ABCA13: variants seen among roughly 807,000 people sequenced by gnomAD.
The protein encoded by ABCA13 is ATP binding cassette subfamily A member 13.
Under a neutral mutation model 478.7 loss-of-function variants are expected in ABCA13, and 476 were observed. That is an observed-to-expected ratio of 0.99 (90% CI 0.92 to 1.07). The LOEUF is 1.07. Among genes scored for constraint, ABCA13 ranks in the 50% least tolerant of loss-of-function variants. The pLI, the probability that ABCA13 is intolerant of heterozygous loss-of-function variation, is 0.00. For synonymous variants in ABCA13, 2,252 were observed against 2,158.9 expected (o/e 1.04, Z -1.20); for missense variants, 6,060 against 5,910.6 (o/e 1.03, Z -0.83).
At chr7:48,312,841 C>G (rs1801970903) in intron 24 of ABCA13, among the ~76,000 whole-genome samples, 1 of 152,200 alleles carries the variant, frequency 6.6e-6, no homozygotes, top group Non-Finnish European at 1.5e-5. Context: ...ACATTTGTTT[C>G]TGGTTTACAT....
chr7:48,266,172 T>G (rs1400030503), intron 15 of ABCA13, among the ~76,000 whole-genome samples: 1 of 151,816 alleles, frequency 6.6e-6, no homozygotes, highest in African/African-American at 2.4e-5. Context: ...GGATTTAATT[T>G]GTTAAAATTT....
rs759031377 is a variant in ABCA13, at chr7:48,520,261, T to A, written c.14018T>A (p.Val4673Asp). 1 of 1,613,304 alleles carries A rather than the reference T, an allele frequency of 6.2e-7. No individual in the cohort carries two copies. Among genetic ancestry groups the A allele is most frequent in the Non-Finnish European group, 8.5e-7 (1 of 1,179,630 alleles). Residue 4673 changes from valine to aspartate, a missense_variant, in exon 53 of 62, where the codon GTT becomes GAT. This residue lies in a region of ABCA13 where 1,627 missense variants were observed against 1,571.0 expected (regional missense o/e 1.04). Coordinates refer to ENST00000435803, the MANE Select transcript of ABCA13 (RefSeq NM_152701.5). The stretch of plus-strand genomic sequence containing the variant: ...GGCACAGTACTTCTCCTCTTGAGGG[T>A]TCTGCTACACTGGGACCTTCTGCGA... ...SQGTVLLLLR[V>D]LLHWDLLRWP...
At chr7:48,319,818 A>G (rs1221787242) in intron 27 of ABCA13, among the ~76,000 whole-genome samples, 1 of 152,072 alleles carries the variant, frequency 6.6e-6, no homozygotes. Flanking sequence ...CTTCTCCTCT[A>G]TCTGTGAAAT....
chr7:48,244,147 C>A (rs1387399188), intron 10 of ABCA13, among the ~76,000 whole-genome samples: 1 of 152,190 alleles, frequency 6.6e-6, no homozygotes, highest in Non-Finnish European at 1.5e-5. Context: ...ACAGGCATTG[C>A]CAATTGGCTC....
chr7:48,266,618 C>G (rs1794903988), intron 15 of ABCA13, among the ~76,000 whole-genome samples: 1 of 151,714 alleles, frequency 6.6e-6, no homozygotes, highest in African/African-American at 2.4e-5. Context: ...AGAGGCTTAT[C>G]AATCTTATTA....
intron 31 of ABCA13, among the ~76,000 whole-genome samples, chr7:48,362,880 A>G (rs1811104313): frequency 6.6e-6 from 1 of 152,122 alleles, no homozygotes; most frequent in Admixed American, 6.5e-5. Context: ...TACATTTGCC[A>G]ATATTTTAAA....
chr7:48,418,440 A>T (rs1490216188), intron 41 of ABCA13, among the ~76,000 whole-genome samples: 2 of 152,210 alleles, frequency 1.3e-5, no homozygotes, highest in Admixed American at 6.5e-5. Flanking sequence ...ATGACATATG[A>T]TGTGGAGCAA....
chr7:48,182,788 C>T (rs1283255174), intron 1 of ABCA13, among the ~76,000 whole-genome samples: 3 of 152,162 alleles, frequency 2.0e-5, no homozygotes, highest in East Asian at 3.8e-4. Flanking sequence ...GTTTGGAAGC[C>T]TCGACTCCTA....
intron 3 of ABCA13, among the ~76,000 whole-genome samples, chr7:48,211,136 G>A (rs1196256357): frequency 6.6e-6 from 1 of 152,174 alleles, no homozygotes; most frequent in African/African-American, 2.4e-5. Context: ...GTTTGGTGAG[G>A]TTGTGTTTTT....
intron 55 of ABCA13, among the ~76,000 whole-genome samples, chr7:48,571,719 A>G (rs887925997): frequency 2.6e-4 from 40 of 152,236 alleles, no homozygotes; most frequent in African/African-American, 8.0e-4. Flanking sequence ...TAAGGATCTC[A>G]TTCCTGAATA....
chr7:48,328,941 C>T (rs929971025), intron 27 of ABCA13, among the ~76,000 whole-genome samples: 2 of 152,174 alleles, frequency 1.3e-5, no homozygotes, highest in East Asian at 3.9e-4. Flanking sequence ...GGAGTGTATT[C>T]GTGTGAAGTC....
intron 41 of ABCA13, among the ~76,000 whole-genome samples, chr7:48,417,366 C>T (rs898470234): frequency 2.6e-5 from 4 of 152,174 alleles, no homozygotes; most frequent in African/African-American, 9.7e-5. Context: ...AACTGGCCTG[C>T]TGCCCCATAT....
At chr7:48,438,872 A>C (rs575620194) in intron 42 of ABCA13, among the ~76,000 whole-genome samples, 1 of 138,814 alleles carries the variant, frequency 7.2e-6, no homozygotes, top group Non-Finnish European at 1.6e-5. Flanking sequence ...TGCAGAAGAC[A>C]ATTTTGCTAA....
intron 27 of ABCA13, among the ~76,000 whole-genome samples, chr7:48,330,391 A>C (rs1805134062): frequency 6.6e-6 from 1 of 151,230 alleles, no homozygotes; most frequent in Non-Finnish European, 1.5e-5. Context: ...TCATCCATCC[A>C]TCCAAATCTA....
At chr7:48,513,055 G>A (rs896111422) in intron 51 of ABCA13, among the ~76,000 whole-genome samples, 5 of 152,152 alleles carry the variant, frequency 3.3e-5, no homozygotes, top group Admixed American at 6.5e-5. Flanking sequence ...AACCTCCCCC[G>A]CCACTGTAAC....
chr7:48,182,629 A>C (rs569047583), intron 1 of ABCA13, among the ~76,000 whole-genome samples: 5 of 152,340 alleles, frequency 3.3e-5, no homozygotes, highest in Non-Finnish European at 7.3e-5. Context: ...ATTATTTTTC[A>C]ATAGAAAGCC....
chr7:48,266,302 C>A (rs897257392), intron 15 of ABCA13, among the ~76,000 whole-genome samples: 1 of 151,504 alleles, frequency 6.6e-6, no homozygotes, highest in African/African-American at 2.4e-5. Flanking sequence ...CAGAAGTATT[C>A]TCTTATTTTC....
intron 59 of ABCA13, among the ~76,000 whole-genome samples, chr7:48,633,957 TAG>T (rs1794417179): frequency 6.6e-6 from 1 of 151,842 alleles, no homozygotes; most frequent in Non-Finnish European, 1.5e-5. Context: ...GATAGATAGA[TAG>T]ATAGATAGAT....
chr7:48,331,514 C>A (rs1282179744), intron 27 of ABCA13, among the ~76,000 whole-genome samples: 1 of 152,194 alleles, frequency 6.6e-6, no homozygotes, highest in African/African-American at 2.4e-5. Flanking sequence ...ATGATCCCAA[C>A]TGTGGTCAGT....
Sources: gnomAD v4.1 joint callset for allele counts (sites outside exome capture counted in the v4.1 genomes callset) on GRCh38, gnomAD v4.1.1 for gene constraint, gnomAD v4.1.1 regional missense constraint, MANE v1.5 for transcripts, NCBI Gene and HGNC (gene_info 2026-07-23, HGNC 2026-07-21) for gene names.